Variants in ADAMTS12 observed in about 807,000 individuals in gnomAD.
ADAMTS12 encodes ADAM metallopeptidase with thrombospondin type 1 motif 12, also known as A disintegrin and metalloproteinase with thrombospondin motifs 12.
A neutral mutation model predicts 167.8 loss-of-function variants in ADAMTS12; 118 were observed. The observed-to-expected ratio is 0.70, with a 90% CI of 0.61 to 0.82. ADAMTS12 has a LOEUF of 0.82. ADAMTS12 is among the 40% of genes least tolerant of loss of function. The pLI is 0.00. For missense variants in ADAMTS12, 1,916 were observed against 1,998.8 expected (o/e 0.96, Z 0.79); for synonymous variants, 704 against 716.9 (o/e 0.98, Z 0.29).
At chr5:33,612,366 CT>C (rs1738769727) in intron 16 of ADAMTS12, among the ~76,000 whole-genome samples, 1 of 152,220 alleles carries the variant, frequency 6.6e-6, no homozygotes, top group African/African-American at 2.4e-5. Context: ...CTTCAGATGT[CT>C]TTTTATGATC....
At chr5:33,661,453 T>G (rs1741256770) in intron 6 of ADAMTS12, among the ~76,000 whole-genome samples, 1 of 152,200 alleles carries the variant, frequency 6.6e-6, no homozygotes, top group Admixed American at 6.5e-5. Flanking sequence ...GCTCCTCATA[T>G]CCTATCCTCA....
At chr5:33,781,370 C>A (rs753366610) in intron 2 of ADAMTS12, among the ~76,000 whole-genome samples, 1 of 152,094 alleles carries the variant, frequency 6.6e-6, no homozygotes, top group African/African-American at 2.4e-5. Context: ...CATTAAAGTA[C>A]ATGAGAATCA....
chr5:33,553,451 C>A (rs1208517747), intron 20 of ADAMTS12, among the ~76,000 whole-genome samples: 2 of 152,130 alleles, frequency 1.3e-5, no homozygotes, highest in African/African-American at 2.4e-5. Flanking sequence ...ATAGCAAAGA[C>A]ATGGAATCAA....
At chr5:33,543,896 G>A (rs1744829629) in intron 22 of ADAMTS12, among the ~76,000 whole-genome samples, 1 of 152,082 alleles carries the variant, frequency 6.6e-6, no homozygotes, top group Non-Finnish European at 1.5e-5. Flanking sequence ...CAAACCCACA[G>A]CCAATATTAT....
intron 2 of ADAMTS12, among the ~76,000 whole-genome samples, chr5:33,845,462 C>T (rs1481113991): frequency 3.3e-5 from 5 of 152,122 alleles, no homozygotes; most frequent in East Asian, 1.9e-4. Flanking sequence ...TAAATACTGC[C>T]GTTATGTATT....
At chr5:33,573,684 G>T (rs1289335747) in intron 19 of ADAMTS12, among the ~76,000 whole-genome samples, 5 of 152,102 alleles carry the variant, frequency 3.3e-5, no homozygotes, top group African/African-American at 1.2e-4. Flanking sequence ...ACATAGGCAT[G>T]GGCAAGGACT....
At chr5:33,611,522 G>C (rs1738729877) in intron 16 of ADAMTS12, among the ~76,000 whole-genome samples, 1 of 152,074 alleles carries the variant, frequency 6.6e-6, no homozygotes, top group Non-Finnish European at 1.5e-5. Flanking sequence ...CCACCTATTT[G>C]TAACCCATTT....
At chr5:33,837,357 T>G (rs1264254203) in intron 2 of ADAMTS12, among the ~76,000 whole-genome samples, 1 of 152,236 alleles carries the variant, frequency 6.6e-6, no homozygotes, top group African/African-American at 2.4e-5. Flanking sequence ...AAAGTGGAGA[T>G]GGGTCGGTTA....
intron 2 of ADAMTS12, among the ~76,000 whole-genome samples, chr5:33,878,360 T>C (rs1445790813): frequency 2.6e-5 from 4 of 152,176 alleles, no homozygotes; most frequent in East Asian, 1.9e-4. Flanking sequence ...GAATTTCTTC[T>C]GGCAAAATCA....
chr5:33,776,833 G>A (rs1707108800), intron 2 of ADAMTS12, among the ~76,000 whole-genome samples: 1 of 151,954 alleles, frequency 6.6e-6, no homozygotes, highest in African/African-American at 2.4e-5. Context: ...AATCAGAAAT[G>A]AAAGAGGAGC....
intron 2 of ADAMTS12, among the ~76,000 whole-genome samples, chr5:33,872,977 AT>A (rs1750096167): frequency 6.6e-6 from 1 of 152,246 alleles, no homozygotes; most frequent in Non-Finnish European, 1.5e-5. Context: ...CTTCATACTT[AT>A]GAGAATCTAG....
chr5:33,739,883 G>C (rs1192040605), intron 3 of ADAMTS12, among the ~76,000 whole-genome samples: 1 of 152,162 alleles, frequency 6.6e-6, no homozygotes, highest in South Asian at 2.1e-4. Context: ...CCAGAAAGAT[G>C]GGTCAAGATC....
chr5:33,528,917 C>T (rs951470031), intron 23 of ADAMTS12, among the ~76,000 whole-genome samples: 26 of 152,062 alleles, frequency 1.7e-4, no homozygotes, highest in Non-Finnish European at 8.8e-5. Flanking sequence ...TGGTGGTGGG[C>T]GCCTGTAATC....
intron 16 of ADAMTS12, among the ~76,000 whole-genome samples, chr5:33,605,802 C>T (rs1579736495): frequency 6.6e-6 from 1 of 152,148 alleles, no homozygotes; most frequent in East Asian, 1.9e-4. Context: ...TACATATATT[C>T]ATTCGTTTAA....
chr5:33,841,341 G>A (rs1217958496), intron 2 of ADAMTS12, among the ~76,000 whole-genome samples: 1 of 152,174 alleles, frequency 6.6e-6, no homozygotes, highest in Non-Finnish European at 1.5e-5. Context: ...TCACTGTGCT[G>A]TCAGCTTTGG....
intron 5 of ADAMTS12, among the ~76,000 whole-genome samples, chr5:33,672,776 T>A (rs1043230193): frequency 6.6e-6 from 1 of 152,228 alleles, no homozygotes; most frequent in Non-Finnish European, 1.5e-5. Context: ...ATCTTCCAGA[T>A]GTTGCATTCC....
At chr5:33,847,857 A>G (rs1749007331) in intron 2 of ADAMTS12, among the ~76,000 whole-genome samples, 1 of 152,148 alleles carries the variant, frequency 6.6e-6, no homozygotes, top group African/African-American at 2.4e-5. Context: ...AGAAGACTGT[A>G]TTCACCAAAG....
At chr5:33,732,759 T>TAATC (rs140295680) in intron 3 of ADAMTS12, among the ~76,000 whole-genome samples, 3,298 of 152,142 alleles carry the variant, frequency 0.022, 120 homozygotes, top group African/African-American at 0.077. Context: ...TATAGGACTC[T>TAATC]TAAGATAATA....
intron 2 of ADAMTS12, 125 bp from the exon 3 acceptor site, chr5:33,751,673 G>T: frequency 1.2e-6 from 1 of 854,180 alleles, no homozygotes; most frequent in South Asian, 1.8e-5. Context: ...TTCAGAGTCT[G>T]CTGTTCGATC....
Sources: gnomAD v4.1 joint callset for allele counts (sites outside exome capture counted in the v4.1 genomes callset) on GRCh38, gnomAD v4.1.1 for gene constraint, MANE v1.5 for transcripts, NCBI Gene and HGNC (gene_info 2026-07-23, HGNC 2026-07-21) for gene names.